DGKH: variants seen among roughly 807,000 people sequenced by gnomAD.
The protein encoded by DGKH is DAG kinase eta.
DGKH carries 90 observed loss-of-function variants against 159.3 expected under a neutral mutation model. The observed-to-expected ratio is 0.57, with a 90% confidence interval of 0.48 to 0.67. DGKH has a LOEUF of 0.67. Ranked by LOEUF, DGKH falls within the 30% of genes least tolerant of loss-of-function variation. The pLI, the probability that DGKH is intolerant of heterozygous loss-of-function variation, is 0.00. For missense variants in DGKH, 1,181 were observed against 1,506.1 expected, an observed-to-expected ratio of 0.78 and a Z score of 3.57; for synonymous variants, 536 against 553.8, an observed-to-expected ratio of 0.97 and a Z score of 0.45.
At chr13:42,228,535 T>G (rs1958194686) in intron 29 of DGKH, among the ~76,000 whole-genome samples, 2 of 152,062 alleles carry the variant, frequency 1.3e-5, no homozygotes, top group Admixed American at 1.3e-4. Context: ...AATGTTGCCT[T>G]AGGACTAATT....
chr13:42,125,584 CA>C lies in DGKH; in HGVS notation c.193-1875del, dbSNP rs34108634. Among the ~76,000 whole-genome samples, 1,077 of 152,222 alleles carry C rather than the reference CA, an allele frequency of 7.1e-3. 8 individuals carry two copies. Among genetic ancestry groups the C allele is most frequent in the Admixed American group, 0.017 (254 of 15,290 alleles). ...AAATTTGCTCTTTGGTACTGACTTT[CA>C]AAAGTGTTTTGTTACGATTAAATTG... On this transcript the variant is annotated intron_variant, in intron 1 of 29. Coordinates refer to ENST00000337343, the MANE Select transcript of DGKH (RefSeq NM_178009.5).
rs777360532 is a variant in DGKH, at chr13:42,189,133, T to C, written c.1736T>C (p.Val579Ala). ...CTCCCTGGCCTCAGCCCTCTCATTGTGGAAGAAGATGCTGTGGAATCGTCC... is the reference window on the plus strand; with the variant it reads ...CTCCCTGGCCTCAGCCCTCTCATTGCGGAAGAAGATGCTGTGGAATCGTCC... ...PVLPGLSPLIVEEDAVESSSE... is the reference protein window; with the variant it reads ...PVLPGLSPLIAEEDAVESSSE... Residue 579 changes from valine (V) to alanine (A), a missense_variant, in exon 15 of 30, where the codon GTG (valine) becomes GCG (alanine). Around this residue, in one of 5 missense-constraint regions of DGKH, gnomAD observed 257 missense variants for 281.5 expected, o/e 0.91. Coordinates refer to ENST00000337343, the MANE Select transcript of DGKH (RefSeq NM_178009.5). 3 of 1,614,126 alleles carry C rather than the reference T, an allele frequency of 1.9e-6. No individual in the cohort carries two copies. The highest frequency in any genetic ancestry group is 4.5e-5 in the East Asian group (2 of 44,902).
At chr13:42,071,195 GA>G (rs1232800185) in intron 1 of DGKH, 4 of 485,468 alleles carry the variant, frequency 8.2e-6, no homozygotes, top group African/African-American at 7.9e-5. Flanking sequence ...AAAGGGATAA[GA>G]AAAATAATTA....
chr13:42,101,721 G>A (rs1040174408), intron 1 of DGKH, among the ~76,000 whole-genome samples: 1 of 152,014 alleles, frequency 6.6e-6, no homozygotes, highest in Admixed American at 6.6e-5. Flanking sequence ...AAAGAGGGAC[G>A]GGGAACAGGT....
At chr13:42,090,112 T>C (rs1419348705) in intron 1 of DGKH, among the ~76,000 whole-genome samples, 3 of 152,150 alleles carry the variant, frequency 2.0e-5, no homozygotes, top group Admixed American at 1.3e-4. Flanking sequence ...AAGATGTGGC[T>C]ACTGGAGTGG....
chr13:42,092,981 A>T (rs1322318422), intron 1 of DGKH, among the ~76,000 whole-genome samples: 1 of 152,084 alleles, frequency 6.6e-6, no homozygotes, highest in African/African-American at 2.4e-5. Context: ...AGTGGCTCAC[A>T]CCTAAAATCC....
chr13:42,061,460 ATCTG>A (rs1170675179), intron 1 of DGKH, among the ~76,000 whole-genome samples: 9 of 152,262 alleles, frequency 5.9e-5, no homozygotes, highest in Admixed American at 1.3e-4. Flanking sequence ...TACTCTTGCT[ATCTG>A]TCTAAGTAAT....
At chr13:42,200,589 T>C (rs1255406967) in intron 20 of DGKH, among the ~76,000 whole-genome samples, 1 of 152,220 alleles carries the variant, frequency 6.6e-6, no homozygotes, top group African/African-American at 2.4e-5. Context: ...TAACTATATA[T>C]TTTTAATTAA....
rs370427362 is a variant in DGKH, at chr13:42,064,868, T to C, written c.192+15903T>C. Among the ~76,000 whole-genome samples the C allele has an allele frequency of 1.4e-4, 22 of 152,102 alleles. No homozygotes were observed. In the East Asian group the frequency reaches 4.3e-3, roughly 29 times the overall value. On this transcript the variant is annotated intron_variant, in intron 1 of 29. Transcript: ENST00000337343. ...AAAGTATCCTAAAGAAAGAAATAAA[T>C]CTGATTTGGATTTTTTTTTTTAAAT... is the stretch of plus-strand genomic sequence containing the variant.
intron 1 of DGKH, among the ~76,000 whole-genome samples, chr13:42,126,827 A>C (rs1955180469): frequency 6.6e-6 from 1 of 152,166 alleles, no homozygotes; most frequent in Admixed American, 6.5e-5. Flanking sequence ...ACTCCCTCTG[A>C]GGCGAGTTGA....
At position 42,167,991 on chromosome 13, in the gene DGKH, T is replaced by C. The variant is rs554280774; in HGVS notation, c.1119-449T>C. Among the ~76,000 whole-genome samples, 9 of 152,252 alleles carry C rather than the reference T, an allele frequency of 5.9e-5. No homozygotes were observed. The South Asian group carries it at 1.2e-3, about 21-fold the overall frequency. On this transcript the variant is annotated intron_variant, in intron 9 of 29. Transcript: ENST00000337343. ...GGAGAAGAGGAGGAGAAAAAGCCAG[T>C]TGGGAGTCCTGAGAGCAATACAATG...
intron 28 of DGKH, 78 bp downstream of exon 28, chr13:42,219,872 A>C: frequency 1.6e-6 from 2 of 1,273,456 alleles, no homozygotes; most frequent in Non-Finnish European, 2.2e-6. Flanking sequence ...GAGGTCGTGA[A>C]AATGTTCTGG....
chr13:42,132,170 A>G (rs1321245908), intron 3 of DGKH, among the ~76,000 whole-genome samples: 1 of 152,164 alleles, frequency 6.6e-6, no homozygotes, highest in Admixed American at 6.5e-5. Context: ...ATGATTGTAC[A>G]TATTTGTAGG....
intron 7 of DGKH, among the ~76,000 whole-genome samples, chr13:42,161,085 A>G (rs902735294): frequency 2.0e-5 from 3 of 152,050 alleles, no homozygotes; most frequent in Admixed American, 6.5e-5. Flanking sequence ...TTTTTCTCTT[A>G]TCTCATTTAA....
intron 1 of DGKH, among the ~76,000 whole-genome samples, chr13:42,043,137 C>G (rs1293070225): frequency 6.6e-6 from 1 of 151,980 alleles, no homozygotes; most frequent in East Asian, 1.9e-4. Context: ...CCCTTTTTCC[C>G]TCAAACATGC....
At chr13:42,218,570 G>A (rs1244379731) in intron 26 of DGKH, among the ~76,000 whole-genome samples, 1 of 143,264 alleles carries the variant, frequency 7.0e-6, no homozygotes, top group Non-Finnish European at 1.5e-5. Flanking sequence ...GTGCAGTGGC[G>A]CTATCTCTGC....
At chr13:42,083,653 G>C (rs545347999) in intron 1 of DGKH, among the ~76,000 whole-genome samples, 2 of 152,234 alleles carry the variant, frequency 1.3e-5, no homozygotes, top group South Asian at 2.1e-4. Context: ...TGGCTTCCCT[G>C]AGCAACTCGT....
chr13:42,161,348 T>C (rs977196543), intron 7 of DGKH, among the ~76,000 whole-genome samples: 2 of 152,222 alleles, frequency 1.3e-5, no homozygotes, highest in Non-Finnish European at 2.9e-5. Context: ...TCACTTCCAA[T>C]GTATTAGAAA....
intron 5 of DGKH, among the ~76,000 whole-genome samples, chr13:42,158,783 G>A (rs977284365): frequency 2.6e-5 from 4 of 152,156 alleles, no homozygotes; most frequent in South Asian, 2.1e-4. Flanking sequence ...CAACTTTATC[G>A]TACTGACATT....
Sources: allele counts gnomAD v4.1 joint callset (sites outside exome capture counted in the v4.1 genomes callset), GRCh38; gene constraint gnomAD v4.1.1; regional missense constraint gnomAD v4.1.1; transcripts MANE v1.5; gene names NCBI Gene and HGNC (gene_info 2026-07-23, HGNC 2026-07-21).